LHFPL3: variants seen among roughly 807,000 people sequenced by gnomAD.
LHFPL3 encodes the protein LHFPL tetraspan subfamily member 3.
A neutral mutation model predicts 19.3 loss-of-function variants in LHFPL3; 5 were observed. The observed-to-expected ratio is 0.26, with a 90% CI of 0.14 to 0.54. The LOEUF (loss-of-function observed/expected upper bound fraction) is 0.54. Ranked by LOEUF, LHFPL3 falls within the 20% of genes least tolerant of loss-of-function variation. The pLI, the probability that LHFPL3 is intolerant of heterozygous loss-of-function variation, is 0.94. For synonymous variants in LHFPL3, 133 were observed against 126.2 expected (o/e 1.05, Z -0.36); for missense variants, 249 against 307.4 (o/e 0.81, Z 1.42).
chr7:104,427,085 G>C (rs114296453), intron 1 of LHFPL3, among the ~76,000 whole-genome samples: 1 of 152,170 alleles, frequency 6.6e-6, no homozygotes, highest in Non-Finnish European at 1.5e-5. Flanking sequence ...AAGACCTAAC[G>C]TCTCGAGGTT....
rs1684025495 is a variant in LHFPL3, at chr7:104,847,104, A to G, written c.683-59083A>G. Among the ~76,000 whole-genome samples, 3 of 152,336 alleles carry G rather than the reference A, an allele frequency of 2.0e-5. No homozygotes were observed. In the South Asian group the frequency reaches 6.2e-4, roughly 32 times the overall value. ...CAGCCTGTGCCCTTTACACAGACCTATCAAACTCAGATAGATGTGGCAAGC... is the reference window on the plus strand; with the variant it reads ...CAGCCTGTGCCCTTTACACAGACCTGTCAAACTCAGATAGATGTGGCAAGC... On this transcript the variant is annotated intron_variant, in intron 2 of 2. Transcript: ENST00000424859.
At chr7:104,436,639 A>G (rs1792111450) in intron 1 of LHFPL3, among the ~76,000 whole-genome samples, 1 of 152,230 alleles carries the variant, frequency 6.6e-6, no homozygotes, top group South Asian at 2.1e-4. Flanking sequence ...TGGCTGAAAT[A>G]TATAACTCAC....
chr7:104,865,903 A>C (rs1041164242), intron 2 of LHFPL3, among the ~76,000 whole-genome samples: 3 of 152,246 alleles, frequency 2.0e-5, no homozygotes, highest in Non-Finnish European at 4.4e-5. Flanking sequence ...AAGCCAGAAG[A>C]GAGTGGGGGC....
Position 104,802,491 on chromosome 7 carries a change from CAA to C in LHFPL3, c.682+65603_682+65604del, listed in dbSNP as rs920866759. On this transcript the variant is annotated intron_variant, in intron 2 of 2. Transcript: ENST00000424859. ...CTGGGCAAGAGAGCCAACCCTATCT[CAA>C]AAAAAAAAAAAAAAAAAAAAAAGAG... 3.7e-3 allele frequency among the ~76,000 whole-genome samples: 244 copies of C among 65,488 alleles called. 4 individuals are homozygous for C. In the East Asian group the frequency reaches 0.047, roughly 13 times the overall value. 43.0% of individuals were successfully genotyped at this position (65,488 alleles called of 152,430 possible).
intron 1 of LHFPL3, among the ~76,000 whole-genome samples, chr7:104,500,700 C>T (rs1316983634): frequency 6.6e-6 from 1 of 152,220 alleles, no homozygotes; most frequent in Non-Finnish European, 1.5e-5. Flanking sequence ...CCACAGAGGG[C>T]AGAGTGAATT....
intron 2 of LHFPL3, among the ~76,000 whole-genome samples, chr7:104,824,907 A>G (rs1262938867): frequency 7.2e-6 from 1 of 138,630 alleles, no homozygotes; most frequent in Non-Finnish European, 1.5e-5. Flanking sequence ...TGTATATAAT[A>G]TAATAATTTT....
At chr7:104,717,950 T>C (rs544082419) in intron 1 of LHFPL3, among the ~76,000 whole-genome samples, 1 of 152,280 alleles carries the variant, frequency 6.6e-6, no homozygotes, top group South Asian at 2.1e-4. Context: ...ATATAGTATA[T>C]ACATACAATG....
Position 104,588,481 on chromosome 7 carries a change from T to A in LHFPL3, c.446-148194T>A, listed in dbSNP as rs192941030. Among the ~76,000 whole-genome samples, 2 of 152,368 alleles carry A rather than the reference T, an allele frequency of 1.3e-5. 1 individual carries two copies. Among genetic ancestry groups the A allele is most frequent in the East Asian group, 3.9e-4 (2 of 5,192 alleles). On this transcript the variant is annotated intron_variant, in intron 1 of 2. Transcript: ENST00000424859. Reference sequence around the variant, plus strand: ...GTTCTGTTCCATTGATCTATATCTCTGTTTTGGTACCAGTACCATGCTGTT... The same window carrying A: ...GTTCTGTTCCATTGATCTATATCTCAGTTTTGGTACCAGTACCATGCTGTT...
At chr7:104,838,741 A>C (rs955323164) in intron 2 of LHFPL3, among the ~76,000 whole-genome samples, 11 of 152,240 alleles carry the variant, frequency 7.2e-5, no homozygotes, top group Non-Finnish European at 1.3e-4. Context: ...AAATGTGTCT[A>C]GTGAAATTGA....
intron 2 of LHFPL3, among the ~76,000 whole-genome samples, chr7:104,838,083 T>G (rs1171382197): frequency 2.0e-5 from 3 of 152,184 alleles, no homozygotes; most frequent in African/African-American, 7.2e-5. Context: ...ACATAAGGAC[T>G]TACGGGTATA....
At chr7:104,364,643 A>G (rs1478045663) in intron 1 of LHFPL3, among the ~76,000 whole-genome samples, 3 of 152,214 alleles carry the variant, frequency 2.0e-5, no homozygotes, top group Non-Finnish European at 4.4e-5. Context: ...GAGAAAGGGA[A>G]TCACATCATG....
At chr7:104,356,200 T>A (rs1790271306) in intron 1 of LHFPL3, among the ~76,000 whole-genome samples, 1 of 152,186 alleles carries the variant, frequency 6.6e-6, no homozygotes, top group African/African-American at 2.4e-5. Flanking sequence ...GGGTAGGTGA[T>A]GAGAAAGAAC....
At chr7:104,530,846 C>T (rs1422516100) in intron 1 of LHFPL3, among the ~76,000 whole-genome samples, 1 of 152,192 alleles carries the variant, frequency 6.6e-6, no homozygotes, top group Non-Finnish European at 1.5e-5. Flanking sequence ...AGCAAGTCCA[C>T]TTTCTGAGGC....
chr7:104,588,549 A>G (rs1375556746), intron 1 of LHFPL3, among the ~76,000 whole-genome samples: 6 of 152,124 alleles, frequency 3.9e-5, no homozygotes, highest in Admixed American at 2.0e-4. Flanking sequence ...GTCAGGTAGC[A>G]TGATGCCTCC....
intron 1 of LHFPL3, among the ~76,000 whole-genome samples, chr7:104,679,702 T>C (rs1425703134): frequency 2.0e-5 from 3 of 152,216 alleles, no homozygotes; most frequent in African/African-American, 7.2e-5. Context: ...ATAATTGTAA[T>C]TTTGTACCTG....
intron 1 of LHFPL3, among the ~76,000 whole-genome samples, chr7:104,375,021 T>C (rs1371183441): frequency 6.6e-6 from 1 of 152,228 alleles, no homozygotes; most frequent in African/African-American, 2.4e-5. Flanking sequence ...TTCATTTCAA[T>C]TTGTAATGAA....
intron 2 of LHFPL3, among the ~76,000 whole-genome samples, chr7:104,770,237 G>A (rs1794528814): frequency 6.6e-6 from 1 of 152,056 alleles, no homozygotes; most frequent in African/African-American, 2.4e-5. Context: ...ATGGAGGGAT[G>A]TATTATATGA....
intron 1 of LHFPL3, among the ~76,000 whole-genome samples, chr7:104,500,727 G>C (rs1487331274): frequency 6.6e-6 from 1 of 152,134 alleles, no homozygotes; most frequent in East Asian, 1.9e-4. Context: ...ACACAAATCA[G>C]ATTATTCGCA....
chr7:104,699,901 G>A (rs1793069814), intron 1 of LHFPL3, among the ~76,000 whole-genome samples: 2 of 152,088 alleles, frequency 1.3e-5, no homozygotes, highest in African/African-American at 4.8e-5. Flanking sequence ...GTTCTGTCAG[G>A]GATTGCTCCC....
Sources: gnomAD v4.1 joint callset for allele counts (sites outside exome capture counted in the v4.1 genomes callset) on GRCh38, gnomAD v4.1.1 for gene constraint, MANE v1.5 for transcripts, NCBI Gene and HGNC (gene_info 2026-07-23, HGNC 2026-07-21) for gene names.